FAT3: variants seen among roughly 807,000 people sequenced by gnomAD.
FAT3 encodes FAT atypical cadherin 3.
In FAT3, 95 loss-of-function variants were observed where a neutral mutation model predicts 310.2. The observed-to-expected ratio is 0.31, with a 90% confidence interval of 0.26 to 0.36. FAT3 has a LOEUF of 0.36. Ranked by LOEUF, FAT3 falls within the 10% of genes least tolerant of loss-of-function variation. FAT3 has a pLI of 1.00. For synonymous variants in FAT3, 2,314 were observed against 2,192.9 expected, an observed-to-expected ratio of 1.06 and a Z score of -1.54; for missense variants, 5,408 against 5,715.6, an observed-to-expected ratio of 0.95 and a Z score of 1.74.
intron 2 of FAT3, among the ~76,000 whole-genome samples, chr11:92,431,695 A>G (rs1411438136): frequency 2.0e-5 from 3 of 152,020 alleles, no homozygotes; most frequent in South Asian, 2.1e-4. Flanking sequence ...TGTATAAGGT[A>G]TAAGGAAGGG....
chr11:92,606,508 C>T (rs2033540349), intron 3 of FAT3, among the ~76,000 whole-genome samples: 2 of 152,176 alleles, frequency 1.3e-5, no homozygotes, highest in Non-Finnish European at 1.5e-5. Context: ...TCTCCCACCT[C>T]GTCTTTCCAG....
intron 3 of FAT3, among the ~76,000 whole-genome samples, chr11:92,578,935 A>G (rs908627263): frequency 2.0e-5 from 3 of 152,162 alleles, no homozygotes; most frequent in African/African-American, 7.2e-5. Context: ...GTTGAAAGGA[A>G]TGAAAAACTG....
At chr11:92,784,887 T>C (rs554846326) in intron 7 of FAT3, among the ~76,000 whole-genome samples, 6 of 152,130 alleles carry the variant, frequency 3.9e-5, no homozygotes, top group Admixed American at 3.3e-4. Context: ...GAAAGGCTTT[T>C]TCCTCCCATT....
At chr11:92,242,594 C>G (rs972467069) in intron 1 of FAT3, among the ~76,000 whole-genome samples, 3 of 151,736 alleles carry the variant, frequency 2.0e-5, no homozygotes, top group Non-Finnish European at 4.4e-5. Context: ...TTCTTGACCT[C>G]AAGGAGTTTA....
intron 1 of FAT3, among the ~76,000 whole-genome samples, chr11:92,288,577 G>C (rs902923637): frequency 1.3e-5 from 2 of 152,114 alleles, no homozygotes; most frequent in Non-Finnish European, 2.9e-5. Flanking sequence ...ATACGGCAGT[G>C]TGTAAATAAA....
intron 3 of FAT3, among the ~76,000 whole-genome samples, chr11:92,574,326 C>G (rs964277884): frequency 3.9e-5 from 6 of 152,278 alleles, no homozygotes; most frequent in African/African-American, 1.4e-4. Flanking sequence ...ATGGTGCCTG[C>G]CAGAGATGAC....
intron 4 of FAT3, among the ~76,000 whole-genome samples, chr11:92,747,181 T>C (rs1334296022): frequency 6.6e-6 from 1 of 151,534 alleles, no homozygotes; most frequent in Non-Finnish European, 1.5e-5. Flanking sequence ...GCAGCAAACT[T>C]CTGCCTGGAC....
At chr11:92,332,437 A>T (rs1249030517) in intron 1 of FAT3, among the ~76,000 whole-genome samples, 1 of 152,322 alleles carries the variant, frequency 6.6e-6, no homozygotes, top group East Asian at 1.9e-4. Flanking sequence ...CATAAGCCAA[A>T]TACCTTAATT....
chr11:92,358,127 T>A (rs1368891311), intron 2 of FAT3, among the ~76,000 whole-genome samples: 3 of 151,952 alleles, frequency 2.0e-5, no homozygotes, highest in Non-Finnish European at 4.4e-5. Flanking sequence ...CAGTGAGTGG[T>A]GACCACACCA....
intron 3 of FAT3, among the ~76,000 whole-genome samples, chr11:92,672,051 G>A (rs933334738): frequency 1.3e-5 from 2 of 152,070 alleles, no homozygotes; most frequent in Non-Finnish European, 2.9e-5. Context: ...CCTGGGAGGC[G>A]GAGGTTGCAT....
chr11:92,305,997 A>G (rs1053422039), intron 1 of FAT3, among the ~76,000 whole-genome samples: 6 of 152,158 alleles, frequency 3.9e-5, no homozygotes, highest in Non-Finnish European at 5.9e-5. Context: ...AATATCTGGA[A>G]AAGCTGAGTA....
At chr11:92,335,128 T>C (rs1948029123) in intron 1 of FAT3, among the ~76,000 whole-genome samples, 1 of 152,140 alleles carries the variant, frequency 6.6e-6, no homozygotes, top group South Asian at 2.1e-4. Context: ...CTTTGGGAGT[T>C]ACCTGTAGTC....
rs1950031604 is a variant in FAT3, at chr11:92,896,310, A to C, written c.*5197A>C. ...TCAGTCTTGTGTTCTTTTTCTAAAAAAAAAGAAAAGAAAAGAAAAAAAAAA... is the reference window on the plus strand; with the variant it reads ...TCAGTCTTGTGTTCTTTTTCTAAAACAAAAGAAAAGAAAAGAAAAAAAAAA... On this transcript the variant is annotated 3_prime_UTR_variant, in exon 28 of 28. Transcript: ENST00000525166. The C allele has an allele frequency of 6.6e-6, 1 of 151,700 alleles. No individual in the cohort carries two copies. Among genetic ancestry groups the C allele is most frequent in the Non-Finnish European group, 1.5e-5 (1 of 67,942 alleles). 9.4% of individuals were successfully genotyped at this position (151,700 alleles called of 1,614,324 possible).
chr11:92,870,542 T>C (rs1482715317), intron 22 of FAT3, among the ~76,000 whole-genome samples: 2 of 152,126 alleles, frequency 1.3e-5, no homozygotes, highest in Non-Finnish European at 2.9e-5. Context: ...CTAGGTCCCA[T>C]TGTGATCCCT....
At chr11:92,541,290 G>A (rs1161674482) in intron 3 of FAT3, among the ~76,000 whole-genome samples, 2 of 152,138 alleles carry the variant, frequency 1.3e-5, no homozygotes, top group African/African-American at 4.8e-5. Context: ...ATAAATAAAT[G>A]AATACATGCT....
At chr11:92,320,852 G>C (rs1391639095) in intron 1 of FAT3, among the ~76,000 whole-genome samples, 6 of 144,264 alleles carry the variant, frequency 4.2e-5, no homozygotes, top group Admixed American at 4.1e-4. Context: ...CCTGGGCAAT[G>C]GAGCGAAACT....
In FAT3 at chr11:92,893,131, A is replaced by G. The variant is rs951157403; in HGVS notation, c.*2018A>G. ...ATTGCGTTTAATCCACTTCTTTTTTATGAGTCAGTGTTTCTGAATGTTTAT... is the reference window on the plus strand; with the variant it reads ...ATTGCGTTTAATCCACTTCTTTTTTGTGAGTCAGTGTTTCTGAATGTTTAT... On this transcript the variant is annotated 3_prime_UTR_variant, in exon 28 of 28. Coordinates refer to ENST00000525166, the MANE Select transcript of FAT3 (RefSeq NM_001367949.2). 1 of 151,780 alleles carries G rather than the reference A, an allele frequency of 6.6e-6. No homozygotes were observed. The highest frequency in any genetic ancestry group is 2.4e-5 in the African/African-American group (1 of 41,264). 9.4% of individuals were successfully genotyped at this position (151,780 alleles called of 1,614,324 possible).
intron 2 of FAT3, among the ~76,000 whole-genome samples, chr11:92,455,135 G>C (rs537681281): frequency 3.3e-4 from 51 of 152,250 alleles, no homozygotes; most frequent in Non-Finnish European, 6.9e-4. Flanking sequence ...TGTGTCCTCT[G>C]GGGGAATATC....
In FAT3 at chr11:92,436,469, C is replaced by T. The variant is rs115321556; in HGVS notation, c.3292+81065C>T. ...TCCCTTTAGTTTGATACCCAAAGTC[C>T]TGTTTGCCTTGCTACAGATCCCTTT... On this transcript the variant is annotated intron_variant, in intron 2 of 27. Coordinates refer to ENST00000525166, the MANE Select transcript of FAT3 (RefSeq NM_001367949.2). Among the ~76,000 whole-genome samples, 1,160 of 152,242 alleles carry T rather than the reference C, an allele frequency of 7.6e-3. 20 individuals carry two copies. Among genetic ancestry groups the T allele is most frequent in the African/African-American group, 0.027 (1,110 of 41,534 alleles).
Sources: allele counts gnomAD v4.1 joint callset (sites outside exome capture counted in the v4.1 genomes callset), GRCh38; gene constraint gnomAD v4.1.1; transcripts MANE v1.5; gene names NCBI Gene and HGNC (gene_info 2026-07-23, HGNC 2026-07-21).